The following NAF1 variants were observed in gnomAD, a reference collection of about 807,000 sequenced individuals.
NAF1 encodes H/ACA ribonucleoprotein complex non-core subunit NAF1.
Under a neutral mutation model 40.6 loss-of-function variants are expected in NAF1, and 11 were observed. The observed-to-expected ratio is 0.27, with a 90% confidence interval of 0.17 to 0.45. The LOEUF (loss-of-function observed/expected upper bound fraction) is 0.45. NAF1 is among the 20% of genes least tolerant of loss of function. NAF1 has a pLI of 1.00. For missense variants in NAF1, 607 were observed against 611.1 expected, an observed-to-expected ratio of 0.99 and a Z score of 0.07; for synonymous variants, 260 against 228.5, an observed-to-expected ratio of 1.14 and a Z score of -1.24.
In NAF1 at chr4:163,112,825, G is replaced by A. The variant is rs577250602; in HGVS notation, c.115-2535C>T. On this transcript the variant is annotated intron_variant, in intron 2 of 2. Coordinates refer to the NAF1 transcript ENST00000509434. ...GGAGGGATAGTGAAATCAGGGAACA[G>A]AAGGCTTGAAGGTTGTAGAGGAGAG... Among the ~76,000 whole-genome samples, 13 of 152,346 alleles carry A rather than the reference G, an allele frequency of 8.5e-5. No individual in the cohort carries two copies. The East Asian group carries it at 9.6e-4, about 11-fold the overall frequency.
downstream of NAF1, among the ~76,000 whole-genome samples, chr4:163,109,191 A>C (rs2110786380): frequency 6.8e-6 from 1 of 146,788 alleles, no homozygotes. Context: ...TGGAAACTTA[A>C]TCTTGGAGGG....
rs1237044197 is a variant in NAF1 at position 163,113,508 on chromosome 4, CATCCACAATGCTGCATTTG to C, written c.115-3237_115-3219del. Among the ~76,000 whole-genome samples, 15 of 152,184 alleles carry C rather than the reference CATCCACAATGCTGCATTTG, an allele frequency of 9.9e-5. 1 individual carries two copies. In the East Asian group the frequency reaches 2.9e-3, roughly 30 times the overall value. ...TGCTCTCCATCATGTTTTTGAGATG[CATCCACAATGCTGCATTTG>C]TAAGTTCAGCCGCCCACAGGATCAG... is the stretch of plus-strand genomic sequence containing the variant. On this transcript the variant is annotated intron_variant, in intron 2 of 2. Transcript: ENST00000509434.
chr4:163,161,019 A>C (rs1420605353), intron 2 of NAF1, among the ~76,000 whole-genome samples: 4 of 120,798 alleles, frequency 3.3e-5, no homozygotes, highest in African/African-American at 1.5e-4. Context: ...GTCATTTTCC[A>C]AAAAAAAAAA....
At chr4:163,140,480 A>C in intron 4 of NAF1, 97 bp from the exon 5 acceptor site, 7 of 1,073,868 alleles carry the variant, frequency 6.5e-6, no homozygotes, top group Non-Finnish European at 9.5e-6. Flanking sequence ...TAATTGCCAG[A>C]ACAAGGTAAT....
At chr4:163,130,971 C>T (rs779250445) in intron 7 of NAF1, among the ~76,000 whole-genome samples, 21 of 152,276 alleles carry the variant, frequency 1.4e-4, no homozygotes, top group Admixed American at 2.0e-4. Flanking sequence ...CTCCGCTGCC[C>T]GGGTCCCAGC....
downstream of NAF1, among the ~76,000 whole-genome samples, chr4:163,124,518 T>C (rs1464269889): frequency 6.6e-6 from 1 of 152,176 alleles, no homozygotes; most frequent in Non-Finnish European, 1.5e-5. Context: ...CTTATATAAA[T>C]AGTTATACTT....
Position 163,113,831 on chromosome 4 carries a change from C to T in NAF1, c.115-3541G>A, listed in dbSNP as rs77885584. On this transcript the variant is annotated intron_variant, in intron 2 of 2. Coordinates refer to the NAF1 transcript ENST00000509434. ...AGTTATCTTCTCCAGACCATAGCTA[C>T]CTGTTTAGTTATTGCATGCCATGGA... Among the ~76,000 whole-genome samples, 125 of 152,306 alleles carry T rather than the reference C, an allele frequency of 8.2e-4. 3 individuals are homozygous for T. The South Asian group carries it at 0.017, about 20-fold the overall frequency.
At chr4:163,152,611 C>T (rs1376537736) in intron 2 of NAF1, among the ~76,000 whole-genome samples, 1 of 152,234 alleles carries the variant, frequency 6.6e-6, no homozygotes, top group East Asian at 1.9e-4. Flanking sequence ...CAGACATAGA[C>T]ACTGTTATCT....
intron 4 of NAF1, among the ~76,000 whole-genome samples, chr4:163,141,087 T>TG (rs1301538138): frequency 6.6e-6 from 1 of 152,220 alleles, no homozygotes; most frequent in Non-Finnish European, 1.5e-5. Flanking sequence ...ATTTTCTGGC[T>TG]GGGCGCAGTG....
At chr4:163,160,524 C>T (rs778963533) in intron 2 of NAF1, among the ~76,000 whole-genome samples, 4 of 152,048 alleles carry the variant, frequency 2.6e-5, no homozygotes, top group Admixed American at 6.5e-5. Context: ...ATAGTTAGAT[C>T]GCAGAGATCG....
intron 7 of NAF1, among the ~76,000 whole-genome samples, chr4:163,132,117 T>C (rs925774662): frequency 3.9e-5 from 6 of 152,140 alleles, no homozygotes; most frequent in African/African-American, 1.4e-4. Context: ...CTGATAAAAA[T>C]GTAAAATGGT....
chr4:163,139,682 G>A (rs1197769970), intron 5 of NAF1, among the ~76,000 whole-genome samples: 1 of 152,072 alleles, frequency 6.6e-6, no homozygotes, highest in Non-Finnish European at 1.5e-5. Flanking sequence ...GCACTGGTTT[G>A]TTGGTTAGGT....
intron 2 of NAF1, among the ~76,000 whole-genome samples, chr4:163,112,058 CTGAGAT>C (rs1730176435): frequency 6.6e-6 from 1 of 151,750 alleles, no homozygotes; most frequent in Non-Finnish European, 1.5e-5. Context: ...AATTGGGAGT[CTGAGAT>C]TATTAATAAT....
intron 1 of NAF1, among the ~76,000 whole-genome samples, chr4:163,165,994 A>G (rs1732443131): frequency 6.6e-6 from 1 of 152,164 alleles, no homozygotes; most frequent in African/African-American, 2.4e-5. Flanking sequence ...AAAAAAAATC[A>G]GATCTGACAC....
chr4:163,153,131 G>C (rs1257284203), intron 2 of NAF1, among the ~76,000 whole-genome samples: 1 of 152,184 alleles, frequency 6.6e-6, no homozygotes, highest in Non-Finnish European at 1.5e-5. Context: ...GCCTTCCCCC[G>C]CCTCCGTGGG....
chr4:163,153,366 A>C (rs112146724), intron 2 of NAF1, among the ~76,000 whole-genome samples: 1 of 152,162 alleles, frequency 6.6e-6, no homozygotes, highest in African/African-American at 2.4e-5. Flanking sequence ...GGGATTGTAA[A>C]CACGCCAATC....
At chr4:163,150,766 C>A (rs1007842941) in intron 2 of NAF1, among the ~76,000 whole-genome samples, 6 of 152,026 alleles carry the variant, frequency 3.9e-5, no homozygotes, top group African/African-American at 1.2e-4. Context: ...CTTTGTGTAA[C>A]CCCTGTGATA....
downstream of NAF1, among the ~76,000 whole-genome samples, chr4:163,107,941 T>C (rs1041690163): frequency 6.6e-6 from 1 of 152,222 alleles, no homozygotes; most frequent in Non-Finnish European, 1.5e-5. Context: ...TTGGGGGCGA[T>C]ATTGCCCTCT....
At chr4:163,140,154 T>A (rs1454389864) in intron 5 of NAF1, 69 bp downstream of exon 5, 6 of 1,264,136 alleles carry the variant, frequency 4.7e-6, no homozygotes, top group Non-Finnish European at 5.4e-6. Flanking sequence ...AGAAATTACA[T>A]CACTGAGAAT....
Sources: gnomAD v4.1 joint callset for allele counts (sites outside exome capture counted in the v4.1 genomes callset) on GRCh38, gnomAD v4.1.1 for gene constraint, MANE v1.5 for transcripts, NCBI Gene and HGNC (gene_info 2026-07-23, HGNC 2026-07-21) for gene names.